ADGRV1: variants seen among roughly 807,000 people sequenced by gnomAD.
ADGRV1 encodes adhesion G protein-coupled receptor V1.
ADGRV1 carries 359 observed loss-of-function variants against 596.2 expected under a neutral mutation model. That is an observed-to-expected ratio of 0.60 (90% CI 0.55 to 0.66). ADGRV1 has a LOEUF of 0.66. Among genes scored for constraint, ADGRV1 ranks in the 30% least tolerant of loss-of-function variants. The pLI is 0.00. For synonymous variants in ADGRV1, 2,681 were observed against 2,679.2 expected, an observed-to-expected ratio of 1.00 and a Z score of -0.02; for missense variants, 7,274 against 7,575.6, an observed-to-expected ratio of 0.96 and a Z score of 1.48.
intron 83 of ADGRV1, among the ~76,000 whole-genome samples, chr5:90,890,273 A>G (rs1770681909): frequency 6.6e-6 from 1 of 151,628 alleles, no homozygotes; most frequent in African/African-American, 2.4e-5. Context: ...TGTTTTATGC[A>G]TTTGAAAGGC....
chr5:90,620,236 A>G (rs1376981049), intron 4 of ADGRV1, among the ~76,000 whole-genome samples: 65 of 151,968 alleles, frequency 4.3e-4, no homozygotes, highest in Non-Finnish European at 8.5e-4. Flanking sequence ...AAGTGTTCCT[A>G]TTTCTCCACA....
chr5:90,814,643 A>C (rs1171186899), intron 74 of ADGRV1, among the ~76,000 whole-genome samples: 2 of 152,042 alleles, frequency 1.3e-5, no homozygotes, highest in Non-Finnish European at 2.9e-5. Flanking sequence ...CTGCCACCAT[A>C]TATGACGTGC....
chr5:90,658,590 G>A (rs1769759393), intron 21 of ADGRV1, among the ~76,000 whole-genome samples: 1 of 151,910 alleles, frequency 6.6e-6, no homozygotes. Flanking sequence ...CTACTGTTTT[G>A]GATGTCATTA....
rs1242480312 is a variant in ADGRV1, at chr5:90,778,965, C to G, written c.12950C>G (p.Pro4317Arg). The G allele has an allele frequency of 6.2e-7, 1 of 1,613,488 alleles. No individual in the cohort carries two copies. The highest frequency in any genetic ancestry group is 8.5e-7 in the Non-Finnish European group (1 of 1,179,558). The change falls in exon 64 of 90, where the codon CCT (proline) becomes CGT (arginine). Residue 4317 changes from proline to arginine, a missense_variant. This residue lies in a region of ADGRV1 where 3,643 missense variants were observed against 3,809.2 expected (regional missense o/e 0.96). Coordinates refer to ENST00000405460, the MANE Select transcript of ADGRV1 (RefSeq NM_032119.4). ...GCGGAAGCAGGCTTGGATTTTGTTC[C>G]TGCAGCAGGGGAGCTCCTCTTTGAA... ...GTAEAGLDFV[P>R]AAGELLFEAG...
chr5:90,807,944 T>G (rs1004093455), intron 73 of ADGRV1, among the ~76,000 whole-genome samples: 1 of 152,224 alleles, frequency 6.6e-6, no homozygotes, highest in African/African-American at 2.4e-5. Context: ...AGAGAGCTCC[T>G]CATGCCCCAC....
chr5:90,570,973 A>G (rs938446345), intron 1 of ADGRV1, among the ~76,000 whole-genome samples: 5 of 151,958 alleles, frequency 3.3e-5, no homozygotes, highest in African/African-American at 1.2e-4. Context: ...TGTATTGCTC[A>G]TATTTTCTTG....
intron 85 of ADGRV1, among the ~76,000 whole-genome samples, chr5:91,024,922 C>T (rs1783904208): frequency 6.6e-6 from 1 of 152,124 alleles, no homozygotes; most frequent in Admixed American, 6.6e-5. Context: ...TGTTCATAGC[C>T]AGTGGGTCTC....
At chr5:90,906,346 A>G (rs907176514) in intron 83 of ADGRV1, among the ~76,000 whole-genome samples, 1 of 152,090 alleles carries the variant, frequency 6.6e-6, no homozygotes, top group Non-Finnish European at 1.5e-5. Flanking sequence ...CAGTGAAGCC[A>G]TCAGGTCCTG....
At chr5:90,722,663 C>T (rs574945175) in intron 45 of ADGRV1, among the ~76,000 whole-genome samples, 2 of 125,378 alleles carry the variant, frequency 1.6e-5, no homozygotes, top group Non-Finnish European at 3.1e-5. Flanking sequence ...TGCCGTGAGC[C>T]GAGATCGCAC....
intron 21 of ADGRV1, among the ~76,000 whole-genome samples, chr5:90,668,019 C>T (rs997093060): frequency 6.6e-6 from 1 of 151,702 alleles, no homozygotes; most frequent in Non-Finnish European, 1.5e-5. Flanking sequence ...TCAAAGCTGT[C>T]AGACAGGGAC....
At chr5:90,639,229 A>AT (rs1178596913) in intron 11 of ADGRV1, among the ~76,000 whole-genome samples, 1 of 152,230 alleles carries the variant, frequency 6.6e-6, no homozygotes, top group African/African-American at 2.4e-5. Flanking sequence ...ATTGGAAATT[A>AT]TTTTTTTCAT....
At chr5:90,866,975 A>G (rs1768184679) in intron 83 of ADGRV1, among the ~76,000 whole-genome samples, 1 of 152,176 alleles carries the variant, frequency 6.6e-6, no homozygotes, top group Non-Finnish European at 1.5e-5. Flanking sequence ...TGATGTGAAG[A>G]AACAGCAAAC....
chr5:91,143,193 G>A (rs1483536914), intron 87 of ADGRV1, among the ~76,000 whole-genome samples: 2 of 152,182 alleles, frequency 1.3e-5, no homozygotes, highest in African/African-American at 2.4e-5. Flanking sequence ...GCCAGGACCT[G>A]CAGAGCCCCA....
At chr5:90,831,377 G>A (rs1229564853) in intron 77 of ADGRV1, among the ~76,000 whole-genome samples, 1 of 151,790 alleles carries the variant, frequency 6.6e-6, no homozygotes, top group East Asian at 1.9e-4. Flanking sequence ...TATAGGCTTA[G>A]TAGAGAATGT....
intron 52 of ADGRV1, among the ~76,000 whole-genome samples, chr5:90,746,541 A>G (rs1353708695): frequency 1.3e-5 from 2 of 152,298 alleles, no homozygotes; most frequent in East Asian, 3.9e-4. Context: ...ATGTCCTCAG[A>G]GAAAGTGAGC....
At position 90,647,500 on chromosome 5, in the gene ADGRV1, C is replaced by T. The variant is rs1767954677; in HGVS notation, c.3025C>T (p.Pro1009Ser). The T allele has an allele frequency of 6.2e-7, 1 of 1,605,374 alleles. No individual in the cohort carries two copies. The highest frequency in any genetic ancestry group is 2.2e-5 in the East Asian group (1 of 44,748). The change falls in exon 17 of 90, where the codon CCT (proline) becomes TCT (serine). Residue 1009 changes from proline (P) to serine (S), a missense_variant and splice_region_variant. Coordinates refer to ENST00000405460, the MANE Select transcript of ADGRV1 (RefSeq NM_032119.4). The part of the protein sequence containing the change: ...RNDDPIYFAE[P>S]RVVRVQEGET... Reference sequence around the variant, plus strand: ...TTCTTTCTTTGTGGATATTTCAGAACCTCGTGTAGTGAGGGTTCAGGAAGG... The same window carrying T: ...TTCTTTCTTTGTGGATATTTCAGAATCTCGTGTAGTGAGGGTTCAGGAAGG...
rs1168061488 is a variant in ADGRV1 at position 91,147,725 on chromosome 5, A to G, written c.18433-2305A>G. Among the ~76,000 whole-genome samples, 2 of 152,188 alleles carry G rather than the reference A, an allele frequency of 1.3e-5. 1 individual carries two copies. Among genetic ancestry groups the G allele is most frequent in the Non-Finnish European group, 2.9e-5 (2 of 68,030 alleles). On this transcript the variant is annotated intron_variant, in intron 87 of 89. Coordinates refer to ENST00000405460, the MANE Select transcript of ADGRV1 (RefSeq NM_032119.4). ...CAGTGTGAGAACAGACTAATACAGT[A>G]AATGGGTACCTCAGAGAGTGGGGTG... is the stretch of plus-strand genomic sequence containing the variant.
In ADGRV1 at chr5:90,948,471, T is replaced by C. The variant is rs1019470557; in HGVS notation, c.17857-16944T>C. On this transcript the variant is annotated intron_variant, in intron 83 of 89. Transcript: ENST00000405460. Reference sequence around the variant, plus strand: ...TAAGAAGAACAAACAGTGGATAACATAAGTGTTACCAGTAGGAATATCTGC... The same window carrying C: ...TAAGAAGAACAAACAGTGGATAACACAAGTGTTACCAGTAGGAATATCTGC... 2.6e-5 allele frequency among the ~76,000 whole-genome samples: 4 copies of C among 152,192 alleles called. No individual in the cohort carries two copies. The East Asian group carries it at 7.7e-4, about 29-fold the overall frequency.
chr5:90,656,782 C>A (rs965163302), intron 20 of ADGRV1, among the ~76,000 whole-genome samples: 1 of 151,932 alleles, frequency 6.6e-6, no homozygotes, highest in Non-Finnish European at 1.5e-5. Context: ...TCTCATCTTG[C>A]CTAAAGATCT....
Sources: gnomAD v4.1 joint callset for allele counts (sites outside exome capture counted in the v4.1 genomes callset) on GRCh38, gnomAD v4.1.1 for gene constraint, gnomAD v4.1.1 regional missense constraint, MANE v1.5 for transcripts, NCBI Gene and HGNC (gene_info 2026-07-23, HGNC 2026-07-21) for gene names.